ST7L: variants seen among roughly 807,000 people sequenced by gnomAD.
ST7L encodes suppressor of tumorigenicity 7 protein-like.
In ST7L, 57 loss-of-function variants were observed where a neutral mutation model predicts 72.5. That is an observed-to-expected ratio of 0.79 (90% CI 0.64 to 0.98). The LOEUF (loss-of-function observed/expected upper bound fraction) is 0.98. Among genes scored for constraint, ST7L ranks in the 50% least tolerant of loss-of-function variants. The pLI is 0.00. For missense variants in ST7L, 576 were observed against 672.2 expected (o/e 0.86, Z 1.58); for synonymous variants, 221 against 240.9 (o/e 0.92, Z 0.77).
chr1:112,550,804 AC>A (rs1657991588), intron 12 of ST7L, 111 bp from the exon 13 acceptor site: 1 of 743,096 alleles, frequency 1.3e-6, no homozygotes, highest in Admixed American at 2.7e-5. Context: ...TTTTAGTGAG[AC>A]ATTTAGATAC....
chr1:112,577,271 G>A lies in ST7L; in HGVS notation c.1143-183C>T, dbSNP rs1571132408. Reference sequence around the variant, plus strand: ...TGGCCGGGCGCAGTGGCTCATGCTTGTAATCCCAGCACTTTGGGAGGCTGA... The same window carrying A: ...TGGCCGGGCGCAGTGGCTCATGCTTATAATCCCAGCACTTTGGGAGGCTGA... On this transcript the variant is annotated intron_variant, in intron 10 of 14. Transcript: ENST00000358039. Among the ~76,000 whole-genome samples the A allele has an allele frequency of 2.0e-5, 3 of 150,802 alleles. No individual in the cohort carries two copies. In the East Asian group the frequency reaches 5.8e-4, roughly 29 times the overall value.
chr1:112,602,584 T>C lies in ST7L; in HGVS notation c.452-1736A>G, dbSNP rs1453772569. 3.3e-5 allele frequency among the ~76,000 whole-genome samples: 5 copies of C among 152,244 alleles called. No homozygotes were observed. In the East Asian group the frequency reaches 9.6e-4, roughly 29 times the overall value. On this transcript the variant is annotated intron_variant, in intron 3 of 14. Transcript: ENST00000358039. ...CTTTTAAACATTATAGCAGGTATGA[T>C]GGTTGTCTCTAGTAAAGCAATTGTT...
chr1:112,542,795 G>T (rs969954839), intron 13 of ST7L, among the ~76,000 whole-genome samples: 1 of 150,874 alleles, frequency 6.6e-6, no homozygotes, highest in Non-Finnish European at 1.5e-5. Flanking sequence ...AAATACATTT[G>T]AGTTGCTACT....
intron 13 of ST7L, among the ~76,000 whole-genome samples, chr1:112,546,735 T>G (rs1657146688): frequency 6.6e-6 from 1 of 152,250 alleles, no homozygotes; most frequent in South Asian, 2.1e-4. Context: ...TTCCAACAAA[T>G]TACTATTTAT....
rs1557963641 is a variant in ST7L at position 112,550,660 on chromosome 1, C to T, written c.1430G>A (p.Gly477Glu). Reference sequence around the variant, plus strand: ...GCTGGGATAAGGGTAAAATAGATGTCCTTTCTCTAACGGGTATGGAATCAT... The same window carrying T: ...GCTGGGATAAGGGTAAAATAGATGTTCTTTCTCTAACGGGTATGGAATCAT... ...FRMIPYPLEK[G>E]HLFYPYPSCT... is the part of the protein sequence containing the mutation. Residue 477 changes from glycine to glutamate, a missense_variant, in exon 13 of 15, where the codon GGA becomes GAA. This residue lies in a region of ST7L where 511 missense variants were observed against 600.7 expected (regional missense o/e 0.85). Coordinates refer to ENST00000358039, the MANE Select transcript of ST7L (RefSeq NM_017744.5). 4 of 1,613,398 alleles carry T rather than the reference C, an allele frequency of 2.5e-6. No homozygotes were observed. The highest frequency in any genetic ancestry group is 1.1e-5 in the South Asian group (1 of 91,006).
Position 112,572,964 on chromosome 1 carries a change from A to T in ST7L, c.1245+4022T>A, listed in dbSNP as rs141004031. 5.3e-5 allele frequency among the ~76,000 whole-genome samples: 8 copies of T among 152,334 alleles called. No homozygotes were observed. In the East Asian group the frequency reaches 1.5e-3, roughly 29 times the overall value. On this transcript the variant is annotated intron_variant, in intron 11 of 14. Coordinates refer to ENST00000358039, the MANE Select transcript of ST7L (RefSeq NM_017744.5). The stretch of plus-strand genomic sequence containing the variant: ...AATAAATAGTAGAAAAAACCCAACA[A>T]AGCCAGAGCCAAGTTCTTGGCAAAA...
rs1020693495 is a variant in ST7L, at chr1:112,524,830, C to T, written c.*1183G>A. 2.6e-5 allele frequency: 4 copies of T among 152,126 alleles called. No homozygotes were observed. Among genetic ancestry groups the T allele is most frequent in the African/African-American group, 9.7e-5 (4 of 41,398 alleles). 9.4% of individuals were successfully genotyped at this position (152,126 alleles called of 1,614,324 possible). On this transcript the variant is annotated 3_prime_UTR_variant, in exon 15 of 15. Transcript: ENST00000358039. ...CAGGCTGCATAGGAGTTCTGCTCAT[C>T]CTCCTCTCCCCAACAATTAAAAAAA...
intron 14 of ST7L, among the ~76,000 whole-genome samples, chr1:112,537,246 G>T (rs547088245): frequency 2.0e-5 from 3 of 152,112 alleles, no homozygotes; most frequent in African/African-American, 2.4e-5. Flanking sequence ...TGATCCGCAG[G>T]CCTCAGCCTT....
downstream of ST7L, chr1:112,520,299 C>T: frequency 6.2e-7 from 1 of 1,614,038 alleles, no homozygotes; most frequent in East Asian, 2.2e-5. Context: ...GCACTGCAGG[C>T]CGTGTCTGCA....
At chr1:112,588,098 G>A (rs1404061622) in intron 6 of ST7L, among the ~76,000 whole-genome samples, 2 of 152,080 alleles carry the variant, frequency 1.3e-5, no homozygotes, top group East Asian at 1.9e-4. Flanking sequence ...TTTTCAGATT[G>A]TTCATTGCTA....
chr1:112,543,229 T>C (rs1656460182), intron 13 of ST7L, among the ~76,000 whole-genome samples: 1 of 152,244 alleles, frequency 6.6e-6, no homozygotes, highest in African/African-American at 2.4e-5. Flanking sequence ...TGTTTATATA[T>C]GTGGCATTTC....
intron 3 of ST7L, among the ~76,000 whole-genome samples, chr1:112,602,969 C>T (rs920130533): frequency 6.6e-6 from 1 of 151,786 alleles, no homozygotes; most frequent in Admixed American, 6.6e-5. Context: ...CCACCCGTCT[C>T]GGCCTCCCAA....
chr1:112,540,115 T>C (rs750928710), intron 14 of ST7L: 18 of 985,296 alleles, frequency 1.8e-5, no homozygotes, highest in African/African-American at 5.2e-5. Context: ...GCAGACACTA[T>C]AAACATTAAT....
chr1:112,562,868 G>A (rs1388873560), intron 11 of ST7L, among the ~76,000 whole-genome samples: 3 of 152,146 alleles, frequency 2.0e-5, no homozygotes, highest in East Asian at 3.8e-4. Flanking sequence ...AAAGATGAGT[G>A]AGGAATCTGT....
chr1:112,532,495 T>C (rs1378357550), intron 14 of ST7L, among the ~76,000 whole-genome samples: 1 of 152,172 alleles, frequency 6.6e-6, no homozygotes, highest in African/African-American at 2.4e-5. Flanking sequence ...AGTGTGGGAA[T>C]GTGCTCCCTT....
Position 112,555,914 on chromosome 1 carries a change from T to A in ST7L, c.1350A>T (p.Lys450Asn), listed in dbSNP as rs774579764. Residue 450 changes from lysine (K) to asparagine (N), a missense_variant, in exon 12 of 15, where the codon AAA (lysine) becomes AAT (asparagine). Lys to Asn is a moderately conservative substitution (Grantham distance 94, BLOSUM62 0). Transcript: ENST00000358039. The part of the protein sequence containing the change: ...AYAFFHLQHW[K>N]RIEGALNLLQ... ...ACAGATTAAGAGCACCTTCTATTCG[T>A]TTCCAGTGCTGAAGATGAAAGAAAG... The A allele has an allele frequency of 1.6e-5, 25 of 1,612,134 alleles. No homozygotes were observed. Among genetic ancestry groups the A allele is most frequent in the Non-Finnish European group, 1.4e-5 (17 of 1,178,932 alleles).
At position 112,600,821 on chromosome 1, in the gene ST7L, T is replaced by C; in HGVS notation, c.479A>G (p.Asn160Ser). 3.1e-6 allele frequency: 5 copies of C among 1,610,404 alleles called. No individual in the cohort carries two copies. Among genetic ancestry groups the C allele is most frequent in the Non-Finnish European group, 4.2e-6 (5 of 1,177,992 alleles). Residue 160 changes from asparagine (N) to serine (S), a missense_variant, in exon 4 of 15, where the codon AAT (asparagine) becomes AGT (serine). Asn to Ser is a conservative substitution (Grantham distance 46). Around this residue, in one of 3 missense-constraint regions of ST7L, gnomAD observed 511 missense variants for 600.7 expected, o/e 0.85. Transcript: ENST00000358039. Reference sequence around the variant, plus strand: ...CCTATATTCTGCTCCTCTGAAAAGATTTAGAGGGTTTCTCCATACCTTACA... The same window carrying C: ...CCTATATTCTGCTCCTCTGAAAAGACTTAGAGGGTTTCTCCATACCTTACA... ...SECKVWRNPL[N>S]LFRGAEYRRY... is the part of the protein sequence containing the mutation.
intron 5 of ST7L, 73 bp from the exon 6 acceptor site, chr1:112,591,676 G>T: frequency 8.8e-7 from 1 of 1,133,706 alleles, no homozygotes; most frequent in Non-Finnish European, 1.3e-6. Context: ...GAATAAGGTA[G>T]TGGAGTAAGC....
rs970570971 is a variant in ST7L at position 112,582,163 on chromosome 1, T to C, written c.955-57A>G. ...TCATAACAAAGGAACTCAATAGAGC[T>C]GAGCCAGATTCATTAAGTAGAAATT... On this transcript the variant is annotated intron_variant, in intron 8 of 14. Transcript: ENST00000358039. 1.1e-5 allele frequency: 14 copies of C among 1,282,548 alleles called. No individual in the cohort carries two copies. In the African/African-American group the frequency reaches 1.8e-4, roughly 16 times the overall value. The allele number at this position is 1,282,548 out of a possible 1,614,324, so 79.4% of individuals were successfully genotyped here.
Sources: gnomAD v4.1 joint callset for allele counts (sites outside exome capture counted in the v4.1 genomes callset) on GRCh38, gnomAD v4.1.1 for gene constraint, gnomAD v4.1.1 regional missense constraint, MANE v1.5 for transcripts, NCBI Gene and HGNC (gene_info 2026-07-23, HGNC 2026-07-21) for gene names.